SIM2: variants seen among roughly 807,000 people sequenced by gnomAD.
SIM2 encodes single-minded homolog 2.
In SIM2, 28 loss-of-function variants were observed where a neutral mutation model predicts 64.8. That is an observed-to-expected ratio of 0.43 (90% CI 0.32 to 0.59). The LOEUF is 0.59. SIM2 is among the 20% of genes least tolerant of loss of function. SIM2 has a pLI of 0.07. For missense variants in SIM2, 847 were observed against 871.4 expected (o/e 0.97, Z 0.35); for synonymous variants, 408 against 391.1 (o/e 1.04, Z -0.51).
At chr21:36,714,313 C>G (rs1309801073) in intron 3 of SIM2, among the ~76,000 whole-genome samples, 2 of 152,162 alleles carry the variant, frequency 1.3e-5, no homozygotes, top group East Asian at 3.9e-4. Context: ...GATGACTGAT[C>G]AAAAATCTTT....
chr21:36,704,101 A>T (rs930167116), intron 1 of SIM2, among the ~76,000 whole-genome samples: 2 of 152,240 alleles, frequency 1.3e-5, no homozygotes, highest in African/African-American at 4.8e-5. Context: ...ATTTGCCCAC[A>T]CGAAACGAGG....
At chr21:36,737,681 C>A (rs1231682614) in intron 7 of SIM2, among the ~76,000 whole-genome samples, 3 of 152,176 alleles carry the variant, frequency 2.0e-5, no homozygotes, top group Non-Finnish European at 4.4e-5. Flanking sequence ...AGAACACAGG[C>A]CATGTGCAGC....
chr21:36,711,695 T>C (rs974501160), intron 2 of SIM2, among the ~76,000 whole-genome samples: 4 of 152,260 alleles, frequency 2.6e-5, no homozygotes, highest in Non-Finnish European at 5.9e-5. Flanking sequence ...TTTCACCAAC[T>C]TTATTGCTTT....
intron 7 of SIM2, among the ~76,000 whole-genome samples, 156 bp from the exon 8 acceptor site, chr21:36,741,561 G>A (rs1458748537): frequency 2.0e-5 from 3 of 152,216 alleles, no homozygotes; most frequent in Non-Finnish European, 1.5e-5. Context: ...GTGCACGCAC[G>A]AGACGCACAC....
intron 6 of SIM2, among the ~76,000 whole-genome samples, chr21:36,727,516 C>A (rs1453606775): frequency 6.6e-6 from 1 of 152,224 alleles, no homozygotes. Flanking sequence ...ATTTGTAAAA[C>A]AGCAGCGCAG....
At position 36,726,124 on chromosome 21, in the gene SIM2, C is replaced by A; in HGVS notation, c.549C>A (p.Ile183=). The change falls in exon 6 of 11, where the codon ATC becomes ATA. Residue 183 remains isoleucine (I), a synonymous_variant. Coordinates refer to ENST00000290399, the MANE Select transcript of SIM2 (RefSeq NM_005069.6). The surrounding 1 kb of genome is among the most constrained non-coding windows in gnomAD (Gnocchi z 4.5). ...AGLTCSGYKV[I]HCSGYLKIRQ... is the part of the protein sequence containing the mutation. ...CCTGCCCTCTCCACTCCCAGGTCAT[C>A]CACTGCAGTGGCTACTTGAAGATCA... 6.2e-7 allele frequency: 1 copy of A among 1,613,412 alleles called. No individual in the cohort carries two copies. Among genetic ancestry groups the A allele is most frequent in the Non-Finnish European group, 8.5e-7 (1 of 1,179,892 alleles).
chr21:36,700,472 T>C (rs2845801), intron 1 of SIM2, among the ~76,000 whole-genome samples: 132,241 of 151,830 alleles, frequency 0.87, 59,120 homozygotes, highest in Non-Finnish European at 0.98. Flanking sequence ...GGAAGTTCAC[T>C]CTGGTTTTGC....
At chr21:36,741,241 T>A (rs2089154807) in intron 7 of SIM2, among the ~76,000 whole-genome samples, 1 of 152,236 alleles carries the variant, frequency 6.6e-6, no homozygotes, top group African/African-American at 2.4e-5. Flanking sequence ...TACCCTCATG[T>A]TCCTGAACAG....
At chr21:36,708,808 C>T (rs1014636863) in intron 1 of SIM2, among the ~76,000 whole-genome samples, 2 of 152,216 alleles carry the variant, frequency 1.3e-5, no homozygotes, top group African/African-American at 2.4e-5. Flanking sequence ...CCCGTTTGGC[C>T]ACGAGAATGG....
At chr21:36,724,783 G>T (rs1402368978) in intron 5 of SIM2, among the ~76,000 whole-genome samples, 1 of 152,186 alleles carries the variant, frequency 6.6e-6, no homozygotes, top group Non-Finnish European at 1.5e-5. Flanking sequence ...GAGAACTTAA[G>T]GCTAAGATTC....
intron 1 of SIM2, chr21:36,701,283 A>G (rs1235174969): frequency 2.0e-5 from 3 of 152,306 alleles, no homozygotes; most frequent in Non-Finnish European, 4.4e-5. Flanking sequence ...GCGCTTCCAT[A>G]GCGCCATCCC....
At chr21:36,719,714 C>G in intron 3 of SIM2, 107 bp from the exon 4 acceptor site, 2 of 711,782 alleles carry the variant, frequency 2.8e-6, no homozygotes, top group Admixed American at 2.0e-5. Context: ...CAGCAGAGAT[C>G]AAAGTTCTGT....
chr21:36,736,854 CTTTCT>C, intron 7 of SIM2, among the ~76,000 whole-genome samples: 1 of 24,680 alleles, frequency 4.1e-5, no homozygotes, highest in South Asian at 1.5e-3. Flanking sequence ...TCTTTTCTTT[CTTTCT>C]TTTTCTTTCT....
chr21:36,744,668 C>A, intron 9 of SIM2, 60 bp from the exon 10 acceptor site: 3 of 1,504,756 alleles, frequency 2.0e-6, no homozygotes, highest in Non-Finnish European at 2.7e-6. Flanking sequence ...CTTGCAGGGC[C>A]GGAAGGCAGC....
At chr21:36,715,660 G>A (rs1451904683) in intron 3 of SIM2, among the ~76,000 whole-genome samples, 5 of 152,146 alleles carry the variant, frequency 3.3e-5, no homozygotes, top group Admixed American at 2.0e-4. Context: ...TATGTTAAAA[G>A]ATCATAGAGA....
At chr21:36,725,996 C>T (rs954870513) in intron 5 of SIM2, 123 bp from the exon 6 acceptor site, 18 of 757,052 alleles carry the variant, frequency 2.4e-5, no homozygotes, top group South Asian at 6.6e-5. Flanking sequence ...CACATTGGGC[C>T]GCACAGTGGA....
intron 2 of SIM2, among the ~76,000 whole-genome samples, chr21:36,710,916 A>G (rs1360072913): frequency 1.3e-5 from 2 of 152,202 alleles, no homozygotes; most frequent in Non-Finnish European, 2.9e-5. Flanking sequence ...ATACTCCTAC[A>G]TATTATAAGT....
Position 36,699,944 on chromosome 21 carries a change from G to A in SIM2, c.175+23G>A, listed in dbSNP as rs2088463584. On this transcript the variant is annotated intron_variant, in intron 1 of 10. Transcript: ENST00000290399. The surrounding 1 kb of genome is among the most constrained non-coding windows in gnomAD (Gnocchi z 5.6). ...AAGGTGAGGCCTCAGGTGGGCGGCC[G>A]GGGACGCTGGGGAGCCCGGCGGCCC... The A allele has an allele frequency of 1.3e-6, 2 of 1,563,672 alleles. No homozygotes were observed. Among genetic ancestry groups the A allele is most frequent in the Admixed American group, 1.9e-5 (1 of 51,758 alleles).
intron 7 of SIM2, among the ~76,000 whole-genome samples, chr21:36,740,050 AG>A (rs1347437430): frequency 7.3e-6 from 1 of 137,028 alleles, no homozygotes; most frequent in Non-Finnish European, 1.7e-5. Flanking sequence ...AAAGAAAGAA[AG>A]AAAGAAAGAG....
Sources: allele counts gnomAD v4.1 joint callset (sites outside exome capture counted in the v4.1 genomes callset), GRCh38; gene constraint gnomAD v4.1.1; non-coding constraint Gnocchi (gnomAD v3.1); transcripts MANE v1.5; gene names NCBI Gene and HGNC (gene_info 2026-07-23, HGNC 2026-07-21).